The following SSPN variants were observed in gnomAD, a reference collection of about 807,000 sequenced individuals.
SSPN encodes the protein K-ras oncogene-associated protein.
SSPN carries 15 observed loss-of-function variants against 19.1 expected under a neutral mutation model. The observed-to-expected ratio is 0.78, with a 90% CI of 0.52 to 1.21. The LOEUF (loss-of-function observed/expected upper bound fraction) is 1.21, where lower values mean the gene tolerates loss of function less well. SSPN is among the 50% of genes most tolerant of loss of function. The pLI is 0.00. For synonymous variants in SSPN, 147 were observed against 140.3 expected (o/e 1.05, Z -0.34); for missense variants, 291 against 314.0 (o/e 0.93, Z 0.55).
In SSPN at chr12:26,233,942, G is replaced by A. The variant is rs1405295391; in HGVS notation, c.*2866G>A. On this transcript the variant is annotated 3_prime_UTR_variant, in exon 3 of 3. Transcript: ENST00000242729. This position sits in a 1 kb window ranked among gnomAD's most constrained non-coding sequence, Gnocchi z 4.3. The stretch of plus-strand genomic sequence containing the variant: ...CCTCCCTCGCTCCATCCAAATTTGT[G>A]TAGGCTGCTCCTTGGAGCTATGCCT... 3 of 152,228 alleles carry A rather than the reference G, an allele frequency of 2.0e-5. No homozygotes were observed. Among genetic ancestry groups the A allele is most frequent in the Non-Finnish European group, 2.9e-5 (2 of 68,050 alleles). The allele number at this position is 152,228 out of a possible 1,614,324, so 9.4% of individuals were successfully genotyped here.
chr12:26,198,080 G>A (rs1182674812), intron 1 of SSPN, among the ~76,000 whole-genome samples: 1 of 148,932 alleles, frequency 6.7e-6, no homozygotes, highest in Non-Finnish European at 1.5e-5. Flanking sequence ...AAGATAACGA[G>A]GCAGATGGCA....
intron 1 of SSPN, among the ~76,000 whole-genome samples, chr12:26,157,511 CACAATTATCAA>C (rs934967297): frequency 8.5e-5 from 13 of 152,224 alleles, no homozygotes; most frequent in Admixed American, 7.2e-4. Context: ...ATACTGTACT[CACAATTATCAA>C]TGCCACACTG....
At chr12:26,189,359 T>C (rs1944773887) in intron 1 of SSPN, among the ~76,000 whole-genome samples, 1 of 152,196 alleles carries the variant, frequency 6.6e-6, no homozygotes, top group Non-Finnish European at 1.5e-5. Flanking sequence ...GAAAAAATAC[T>C]GATCCTACAT....
chr12:26,198,322 C>T (rs1944848900), intron 1 of SSPN, among the ~76,000 whole-genome samples: 1 of 152,210 alleles, frequency 6.6e-6, no homozygotes, highest in Admixed American at 6.5e-5. Flanking sequence ...CACCGCCACA[C>T]CTAACTTGTG....
At chr12:26,163,638 A>G (rs1457979254) in intron 1 of SSPN, among the ~76,000 whole-genome samples, 1 of 152,172 alleles carries the variant, frequency 6.6e-6, no homozygotes, top group Non-Finnish European at 1.5e-5. Context: ...AAGGACATTA[A>G]TCTCATTAAG....
intron 1 of SSPN, among the ~76,000 whole-genome samples, chr12:26,223,833 T>C (rs1182403160): frequency 2.6e-5 from 4 of 152,214 alleles, no homozygotes. Flanking sequence ...TCATGTTTCA[T>C]TTCTTTCAAG....
chr12:26,226,135 T>C (rs1945173616), intron 2 of SSPN, among the ~76,000 whole-genome samples: 1 of 152,236 alleles, frequency 6.6e-6, no homozygotes, highest in South Asian at 2.1e-4. Flanking sequence ...GTGACCTTTC[T>C]TGATGCTTGC....
At chr12:26,167,387 A>G (rs1427668980) in intron 1 of SSPN, among the ~76,000 whole-genome samples, 1 of 152,238 alleles carries the variant, frequency 6.6e-6, no homozygotes, top group East Asian at 1.9e-4. Flanking sequence ...AAAGGACAAT[A>G]AGCAGCTCTC....
chr12:26,170,414 C>A (rs1227171948), intron 1 of SSPN, among the ~76,000 whole-genome samples: 1 of 152,158 alleles, frequency 6.6e-6, no homozygotes, highest in African/African-American at 2.4e-5. Context: ...CTGTCCTAAG[C>A]CCTTAATAGA....
intron 1 of SSPN, among the ~76,000 whole-genome samples, chr12:26,153,947 G>A (rs1177247500): frequency 6.6e-6 from 1 of 152,206 alleles, no homozygotes; most frequent in Non-Finnish European, 1.5e-5. Flanking sequence ...GAAGTCCAGT[G>A]CCTCTGAACA....
intron 1 of SSPN, among the ~76,000 whole-genome samples, chr12:26,201,025 ATATATATATATATATATATAT>A (rs202064261): frequency 0.26 from 15,113 of 57,662 alleles, 1,375 homozygotes; most frequent in East Asian, 0.5. Context: ...ATATATATAT[ATATATATATATATATATATAT>A]TATATATATA....
chr12:26,157,301 T>C (rs1471506), intron 1 of SSPN, among the ~76,000 whole-genome samples: 115,264 of 152,152 alleles, frequency 0.76, 47,647 homozygotes, highest in East Asian at 0.94. Context: ...GATACAATGA[T>C]CATGTGGAAG....
intron 1 of SSPN, chr12:26,122,771 G>T (rs776875817): frequency 2.5e-6 from 4 of 1,591,124 alleles, no homozygotes; most frequent in Non-Finnish European, 3.4e-6. Flanking sequence ...GGTCCGGCCG[G>T]GCCTCGGCTT....
intron 1 of SSPN, chr12:26,124,852 G>A (rs1944349406): frequency 2.1e-6 from 3 of 1,431,342 alleles, no homozygotes; most frequent in Non-Finnish European, 3.0e-6. Context: ...CGGTAGGCTT[G>A]GGAGACCTTG....
intron 1 of SSPN, among the ~76,000 whole-genome samples, chr12:26,160,916 T>C (rs1842323): frequency 0.41 from 62,484 of 151,776 alleles, 15,359 homozygotes; most frequent in Admixed American, 0.57. Flanking sequence ...GAGACCAGCC[T>C]GGCCAGCATG....
chr12:26,182,133 T>C (rs982963216), intron 1 of SSPN, among the ~76,000 whole-genome samples: 20 of 152,148 alleles, frequency 1.3e-4, no homozygotes, highest in Admixed American at 1.3e-3. Flanking sequence ...TGGATTTGAG[T>C]CCAGCACTGT....
chr12:26,218,617 C>G (rs1945086126), intron 1 of SSPN, among the ~76,000 whole-genome samples: 1 of 152,104 alleles, frequency 6.6e-6, no homozygotes, highest in African/African-American at 2.4e-5. Flanking sequence ...CTTTGTCTTA[C>G]CATAAGGCAG....
intron 2 of SSPN, among the ~76,000 whole-genome samples, chr12:26,227,062 C>T (rs1945185607): frequency 6.6e-6 from 1 of 152,112 alleles, no homozygotes; most frequent in Non-Finnish European, 1.5e-5. Context: ...CCTCCCGCGC[C>T]GGGCTTTTAT....
chr12:26,171,542 C>T (rs1944653593), intron 1 of SSPN, among the ~76,000 whole-genome samples: 1 of 152,180 alleles, frequency 6.6e-6, no homozygotes, highest in East Asian at 1.9e-4. Context: ...ACAATGAATA[C>T]TGAAGGAGTT....
Sources: allele counts gnomAD v4.1 joint callset (sites outside exome capture counted in the v4.1 genomes callset), GRCh38; gene constraint gnomAD v4.1.1; non-coding constraint Gnocchi (gnomAD v3.1); transcripts MANE v1.5; gene names NCBI Gene and HGNC (gene_info 2026-07-23, HGNC 2026-07-21).